AMZ1: variants seen among roughly 807,000 people sequenced by gnomAD.
AMZ1 encodes archaelysin family metallopeptidase 1.
In AMZ1, 39 loss-of-function variants were observed where a neutral mutation model predicts 29.9. That is an observed-to-expected ratio of 1.30 (90% CI 1.01 to 1.70). AMZ1 has a LOEUF of 1.70. AMZ1 is among the 40% of genes most tolerant of loss of function. The pLI, the probability that AMZ1 is intolerant of heterozygous loss-of-function variation, is 0.00. For synonymous variants in AMZ1, 458 were observed against 304.0 expected, an observed-to-expected ratio of 1.51 and a Z score of -5.27; for missense variants, 1,041 against 680.6, an observed-to-expected ratio of 1.53 and a Z score of -5.89.
At chr7:2,738,561 T>A (rs1013352609) in intron 4 of AMZ1, among the ~76,000 whole-genome samples, 3 of 152,048 alleles carry the variant, frequency 2.0e-5, no homozygotes, top group African/African-American at 7.3e-5. Context: ...CATATTCTGC[T>A]TGCTTATATT....
At position 2,709,538 on chromosome 7, in the gene AMZ1, C is replaced by T. The variant is rs538633024; in HGVS notation, c.772-102C>T. The stretch of plus-strand genomic sequence containing the variant: ...CCTGGACCACCTCCCGGCCATCTGG[C>T]CTCACCCAGGTCCTCATTTTGGTCC... On this transcript the variant is annotated intron_variant, in intron 5 of 6. Coordinates refer to ENST00000683327, the MANE Select transcript of AMZ1 (RefSeq NM_001384743.1). The T allele has an allele frequency of 6.7e-6, 10 of 1,493,208 alleles. No individual in the cohort carries two copies. The South Asian group carries it at 9.1e-5, about 14-fold the overall frequency. 92.5% of individuals were successfully genotyped at this position (1,493,208 alleles called of 1,614,324 possible).
At chr7:2,727,801 ACTGTGGGAGG>A (rs1212749778) in intron 4 of AMZ1, among the ~76,000 whole-genome samples, 9 of 151,948 alleles carry the variant, frequency 5.9e-5, no homozygotes, top group Middle Eastern at 3.4e-3. Context: ...TAATCCCAGC[ACTGTGGGAGG>A]CTGTGGGAGG....
chr7:2,695,208 C>A (rs928298265), intron 1 of AMZ1, among the ~76,000 whole-genome samples: 1 of 152,178 alleles, frequency 6.6e-6, no homozygotes, highest in African/African-American at 2.4e-5. Context: ...TCTGATGTTT[C>A]TTTCTTCCTT....
At chr7:2,753,085 A>T (rs1403828551) in intron 4 of AMZ1, among the ~76,000 whole-genome samples, 1 of 151,976 alleles carries the variant, frequency 6.6e-6, no homozygotes, top group Non-Finnish European at 1.5e-5. Flanking sequence ...ATAGTCACTG[A>T]TCTGTTTTCT....
chr7:2,737,289 G>GT (rs11389467), intron 4 of AMZ1, among the ~76,000 whole-genome samples: 13,040 of 62,348 alleles, frequency 0.21, 1,344 homozygotes, highest in Middle Eastern at 0.29. Flanking sequence ...TTTTTTTTTT[G>GT]TTTTTTTTTT....
intron 4 of AMZ1, among the ~76,000 whole-genome samples, chr7:2,739,644 C>T (rs141582337): frequency 2.2e-4 from 33 of 152,268 alleles, no homozygotes; most frequent in Middle Eastern, 3.4e-3. Flanking sequence ...CTTGAGTATA[C>T]ACCTAGGAGT....
Position 2,712,352 on chromosome 7 carries a change from C to G in AMZ1, c.971C>G (p.Ala324Gly). 1 of 1,595,344 alleles carries G rather than the reference C, an allele frequency of 6.3e-7. No homozygotes were observed. Among genetic ancestry groups the G allele is most frequent in the Non-Finnish European group, 8.5e-7 (1 of 1,170,466 alleles). ...RYQRLYTWTQ[A>G]VVGTWPSQEA... The stretch of plus-strand genomic sequence containing the variant: ...TAGAGACTCTACACCTGGACTCAGG[C>G]GGTGGTGGGGACGTGGCCCAGCCAG... The change falls in exon 7 of 7, where the codon GCG (alanine) becomes GGG (glycine). Residue 324 changes from alanine (A) to glycine (G), a missense_variant. Coordinates refer to ENST00000683327, the MANE Select transcript of AMZ1 (RefSeq NM_001384743.1).
chr7:2,760,358 C>T (rs1430854464), upstream of AMZ1: 2 of 152,406 alleles, frequency 1.3e-5, no homozygotes, highest in South Asian at 4.1e-4. Context: ...ACCAGGGGGA[C>T]ACCAAGTCAG....
intron 4 of AMZ1, among the ~76,000 whole-genome samples, chr7:2,740,582 G>A (rs927935066): frequency 5.3e-5 from 8 of 152,252 alleles, no homozygotes; most frequent in South Asian, 2.1e-4. Context: ...AGCTTGAGCC[G>A]ACAAATATAA....
rs1400500382 is a variant in AMZ1, at chr7:2,696,287, C to T, written c.-218-3947C>T. ...TTTTTTTTTTTTTGAGATGGAGTCT[C>T]GCTCTGTCACCCAGGCTGGAGTGCA... On this transcript the variant is annotated intron_variant, in intron 1 of 6. Coordinates refer to ENST00000683327, the MANE Select transcript of AMZ1 (RefSeq NM_001384743.1). Among the ~76,000 whole-genome samples the T allele has an allele frequency of 1.5e-3, 202 of 137,504 alleles. 1 individual carries two copies. Among genetic ancestry groups the T allele is most frequent in the African/African-American group, 4.7e-3 (173 of 37,014 alleles). The allele number at this position is 137,504 out of a possible 152,430, so 90.2% of individuals were successfully genotyped here.
chr7:2,691,520 A>G (rs1787385230), intron 1 of AMZ1, among the ~76,000 whole-genome samples: 1 of 148,560 alleles, frequency 6.7e-6, no homozygotes, highest in Admixed American at 6.6e-5. Context: ...AGGCGGGTGG[A>G]TCACAAGGTC....
At chr7:2,748,065 A>G (rs208351) in intron 4 of AMZ1, among the ~76,000 whole-genome samples, 136,600 of 147,554 alleles carry the variant, frequency 0.93, 63,323 homozygotes, top group East Asian at 1. Context: ...AATCGATATC[A>G]TGAAAATGGC....
intron 4 of AMZ1, chr7:2,728,367 A>G (rs1789716298): frequency 6.6e-6 from 1 of 152,220 alleles, no homozygotes; most frequent in Admixed American, 6.5e-5. Flanking sequence ...GGAGTTAACA[A>G]TCTGACTTAT....
chr7:2,750,893 C>A (rs182310157), intron 4 of AMZ1, among the ~76,000 whole-genome samples: 1 of 152,012 alleles, frequency 6.6e-6, no homozygotes, highest in African/African-American at 2.4e-5. Flanking sequence ...TATGAGGGTG[C>A]GAATGGAAAG....
chr7:2,716,869 G>A lies in AMZ1; in HGVS notation c.*3991G>A, dbSNP rs977249299. Reference sequence around the variant, plus strand: ...TCCCCACCATATGGCTGTGGCTGTCGAGATGGGACTGGGAAGGGCTGGAGC... The same window carrying A: ...TCCCCACCATATGGCTGTGGCTGTCAAGATGGGACTGGGAAGGGCTGGAGC... On this transcript the variant is annotated 3_prime_UTR_variant, in exon 7 of 7. Coordinates refer to ENST00000683327, the MANE Select transcript of AMZ1 (RefSeq NM_001384743.1). 6.6e-6 allele frequency among the ~76,000 whole-genome samples: 1 copy of A among 152,236 alleles called. No individual in the cohort carries two copies. Among genetic ancestry groups the A allele is most frequent in the Non-Finnish European group, 1.5e-5 (1 of 68,038 alleles).
intron 4 of AMZ1, among the ~76,000 whole-genome samples, 168 bp downstream of exon 4, chr7:2,708,884 C>G (rs181786753): frequency 6.6e-6 from 1 of 152,214 alleles, no homozygotes; most frequent in East Asian, 1.9e-4. Context: ...TGAGGAATGG[C>G]ATAGGGGCTG....
intron 1 of AMZ1, among the ~76,000 whole-genome samples, 199 bp downstream of exon 1, chr7:2,688,495 C>T (rs1224327733): frequency 6.6e-6 from 1 of 152,110 alleles, no homozygotes; most frequent in Non-Finnish European, 1.5e-5. Context: ...GGTGCAGCGC[C>T]GCGCCGGGGT....
intron 4 of AMZ1, among the ~76,000 whole-genome samples, chr7:2,742,779 T>A (rs1001598193): frequency 1.3e-5 from 2 of 152,248 alleles, no homozygotes; most frequent in Non-Finnish European, 2.9e-5. Flanking sequence ...AGGTATGTAA[T>A]CTTTTATGGT....
Position 2,693,562 on chromosome 7 carries a change from G to C in AMZ1, c.-219+5266G>C, listed in dbSNP as rs534773866. Among the ~76,000 whole-genome samples, 7 of 151,786 alleles carry C rather than the reference G, an allele frequency of 4.6e-5. No homozygotes were observed. The South Asian group carries it at 1.5e-3, about 32-fold the overall frequency. On this transcript the variant is annotated intron_variant, in intron 1 of 6. Transcript: ENST00000683327. ...ACCCAGCTAATTTTTGTTTTGTTTTGTTTTGTTTTTTGACACGGAGTCTTG... is the reference window on the plus strand; with the variant it reads ...ACCCAGCTAATTTTTGTTTTGTTTTCTTTTGTTTTTTGACACGGAGTCTTG...
Sources: gnomAD v4.1 joint callset for allele counts (sites outside exome capture counted in the v4.1 genomes callset) on GRCh38, gnomAD v4.1.1 for gene constraint, MANE v1.5 for transcripts, NCBI Gene and HGNC (gene_info 2026-07-23, HGNC 2026-07-21) for gene names.